Variants in CNGA3 observed in about 807,000 individuals in gnomAD.
CNGA3 encodes cyclic nucleotide gated channel subunit alpha 3, also known as cyclic nucleotide-gated channel alpha-3.
CNGA3 carries 42 observed loss-of-function variants against 46.6 expected under a neutral mutation model. The observed-to-expected ratio is 0.90, with a 90% confidence interval of 0.70 to 1.17. The LOEUF (loss-of-function observed/expected upper bound fraction) is 1.17, where lower values mean the gene tolerates loss of function less well. CNGA3 is among the 50% of genes most tolerant of loss of function. CNGA3 has a pLI of 0.00. For synonymous variants in CNGA3, 394 were observed against 369.4 expected (o/e 1.07, Z -0.76); for missense variants, 893 against 890.7 (o/e 1.00, Z -0.03).
chr2:98,386,167 C>T (rs1196540382), intron 5 of CNGA3, among the ~76,000 whole-genome samples: 2 of 152,100 alleles, frequency 1.3e-5, no homozygotes, highest in East Asian at 3.8e-4. Context: ...GTGTGGTAGG[C>T]AGAACAATCT....
chr2:98,385,947 C>T (rs1692644526), intron 5 of CNGA3, among the ~76,000 whole-genome samples: 1 of 152,164 alleles, frequency 6.6e-6, no homozygotes, highest in Non-Finnish European at 1.5e-5. Context: ...GGTGCCAAAC[C>T]ATGAGAAATC....
At chr2:98,350,335 A>T in intron 1 of CNGA3, among the ~76,000 whole-genome samples, 1 of 152,210 alleles carries the variant, frequency 6.6e-6, no homozygotes, top group African/African-American at 2.4e-5. Flanking sequence ...TCAAAGTTAG[A>T]TATGGACATC....
In CNGA3 at chr2:98,354,225, A is replaced by G. The variant is rs1055916470; in HGVS notation, c.-38+7691A>G. On this transcript the variant is annotated intron_variant, in intron 1 of 7. Coordinates refer to ENST00000272602, the MANE Select transcript of CNGA3 (RefSeq NM_001298.3). ...TTTTATTGTTGTATTGTTATTCTTT[A>G]TTGTTTTGGTTTTTTTCAAATATTT... Among the ~76,000 whole-genome samples the G allele has an allele frequency of 5.9e-5, 9 of 151,952 alleles. No individual in the cohort carries two copies. The South Asian group carries it at 1.7e-3, about 28-fold the overall frequency.
chr2:98,369,071 G>C (rs538542655), intron 1 of CNGA3, among the ~76,000 whole-genome samples: 1 of 152,308 alleles, frequency 6.6e-6, no homozygotes, highest in South Asian at 2.1e-4. Flanking sequence ...TTCTAACTTG[G>C]TGGCTGTTGG....
At chr2:98,390,979 G>A (rs1297122343) in intron 6 of CNGA3, among the ~76,000 whole-genome samples, 2 of 152,176 alleles carry the variant, frequency 1.3e-5, no homozygotes, top group African/African-American at 2.4e-5. Context: ...GGATGCAGAG[G>A]CAAGTCCTGC....
chr2:98,379,692 C>T (rs1031971255), intron 3 of CNGA3, among the ~76,000 whole-genome samples: 3 of 152,196 alleles, frequency 2.0e-5, no homozygotes, highest in Non-Finnish European at 4.4e-5. Context: ...GACGCCTGTT[C>T]CTTTAAGCCT....
At chr2:98,346,784 C>G (rs972779123) in intron 1 of CNGA3, among the ~76,000 whole-genome samples, 1 of 152,132 alleles carries the variant, frequency 6.6e-6, no homozygotes, top group Non-Finnish European at 1.5e-5. Context: ...CCCCTCCAGT[C>G]CAGTTCAAAG....
intron 1 of CNGA3, among the ~76,000 whole-genome samples, chr2:98,355,030 A>G (rs1691848044): frequency 6.6e-6 from 1 of 152,114 alleles, no homozygotes; most frequent in African/African-American, 2.4e-5. Flanking sequence ...AGCATGTTGG[A>G]TTTTTGCCAA....
chr2:98,383,400 G>A lies in CNGA3; in HGVS notation c.408G>A (p.Leu136=), dbSNP rs376332352. The change falls in exon 5 of 8, where the codon CTG becomes CTA. Residue 136 remains leucine (L), a synonymous_variant. Transcript: ENST00000272602. The part of the protein sequence containing the change: ...PADRGRSAWP[L]AKCNTNTSNN... ...TACCTTCCCGCAGCGCCTGGCCCCTGGCCAAATGCAACACTAACACCAGCA... is the reference window on the plus strand; with the variant it reads ...TACCTTCCCGCAGCGCCTGGCCCCTAGCCAAATGCAACACTAACACCAGCA... 281 of 1,614,008 alleles carry A rather than the reference G, an allele frequency of 1.7e-4. No individual in the cohort carries two copies. Among genetic ancestry groups the A allele is most frequent in the Non-Finnish European group, 2.3e-4 (268 of 1,180,028 alleles).
intron 3 of CNGA3, among the ~76,000 whole-genome samples, chr2:98,378,510 C>T (rs1910699): frequency 0.86 from 130,542 of 152,244 alleles, 56,151 homozygotes; most frequent in African/African-American, 0.91. Flanking sequence ...TACATAGTCA[C>T]ATGTTCTAAA....
At chr2:98,390,885 GTCTCT>G (rs1412786168) in intron 6 of CNGA3, among the ~76,000 whole-genome samples, 1 of 152,242 alleles carries the variant, frequency 6.6e-6, no homozygotes, top group Admixed American at 6.5e-5. Context: ...GCAAAGGCAG[GTCTCT>G]TCTGAGATGT....
rs1212832847 is a variant in CNGA3 at position 98,380,238 on chromosome 2, G to A, written c.279G>A (p.Gln93=). 6.2e-7 allele frequency: 1 copy of A among 1,614,116 alleles called. No individual in the cohort carries two copies. The highest frequency in any genetic ancestry group is 8.5e-7 in the Non-Finnish European group (1 of 1,180,048). ...CCAGGCATGTGCACCACCAGGACCAGGGACCGGACTCTTTTCCTGATCGTT... is the reference window on the plus strand; with the variant it reads ...CCAGGCATGTGCACCACCAGGACCAAGGACCGGACTCTTTTCCTGATCGTT... The part of the protein sequence containing the change: ...WAARHVHHQD[Q]GPDSFPDRFR... Residue 93 remains glutamine (Q), a synonymous_variant, in exon 4 of 8, where the codon CAG becomes CAA. Transcript: ENST00000272602.
Position 98,374,913 on chromosome 2 carries a change from A to G in CNGA3, c.102-2774A>G, listed in dbSNP as rs1402941907. ...GCCAGTTGTGCCTTTCTGGTAACTG[A>G]AATCCACATGAAATTGCCAACTTTT... On this transcript the variant is annotated intron_variant, in intron 2 of 7. Coordinates refer to ENST00000272602, the MANE Select transcript of CNGA3 (RefSeq NM_001298.3). Among the ~76,000 whole-genome samples the G allele has an allele frequency of 2.0e-5, 3 of 152,230 alleles. No homozygotes were observed. In the East Asian group the frequency reaches 5.8e-4, roughly 29 times the overall value.
chr2:98,373,016 G>A (rs1344248568), intron 2 of CNGA3, among the ~76,000 whole-genome samples: 2 of 152,136 alleles, frequency 1.3e-5, no homozygotes, highest in Non-Finnish European at 2.9e-5. Context: ...TTATGAAAGA[G>A]CTATGCTTTA....
At chr2:98,371,991 TG>T (rs1422435213) in intron 2 of CNGA3, among the ~76,000 whole-genome samples, 3 of 152,158 alleles carry the variant, frequency 2.0e-5, no homozygotes, top group Non-Finnish European at 4.4e-5. Context: ...GCACCCAACT[TG>T]CCTGGAGTGG....
chr2:98,389,578 A>C, intron 5 of CNGA3, 80 bp from the exon 6 acceptor site: 1 of 1,264,136 alleles, frequency 7.9e-7, no homozygotes, highest in Non-Finnish European at 1.2e-6. Flanking sequence ...TCAGCCTGAA[A>C]TTGCCCTAGG....
Position 98,396,901 on chromosome 2 carries a change from C to T in CNGA3, c.1731C>T (p.Phe577=). The change falls in exon 8 of 8, where the codon TTC becomes TTT. Residue 577 remains phenylalanine, a synonymous_variant. Coordinates refer to ENST00000272602, the MANE Select transcript of CNGA3 (RefSeq NM_001298.3). ...NIRSIGYSDL[F]CLSKDDLMEA... ...GCAGCATTGGCTACTCAGACCTGTT[C>T]TGCCTCTCAAAGGACGATCTCATGG... The T allele has an allele frequency of 6.2e-7, 1 of 1,614,182 alleles. No individual in the cohort carries two copies. The highest frequency in any genetic ancestry group is 8.5e-7 in the Non-Finnish European group (1 of 1,180,044).
Position 98,389,727 on chromosome 2 carries a change from C to G in CNGA3, c.519C>G (p.Thr173=). The change falls in exon 6 of 8, where the codon ACC becomes ACG. Residue 173 remains threonine (T), a synonymous_variant. Coordinates refer to ENST00000272602, the MANE Select transcript of CNGA3 (RefSeq NM_001298.3). The stretch of plus-strand genomic sequence containing the variant: ...GCAACCTGTACTACCGCTGGCTGAC[C>G]GCCATCGCCCTGCCTGTCTTCTATA... ...PSSNLYYRWL[T]AIALPVFYNW... 6.2e-7 allele frequency: 1 copy of G among 1,613,636 alleles called. No homozygotes were observed. Among genetic ancestry groups the G allele is most frequent in the Non-Finnish European group, 8.5e-7 (1 of 1,180,020 alleles).
chr2:98,351,723 A>T (rs1052295379), intron 1 of CNGA3, among the ~76,000 whole-genome samples: 1 of 152,100 alleles, frequency 6.6e-6, no homozygotes, highest in Non-Finnish European at 1.5e-5. Flanking sequence ...CAAAAATGTG[A>T]TGGTCATTAT....
Sources: gnomAD v4.1 joint callset for allele counts (sites outside exome capture counted in the v4.1 genomes callset) on GRCh38, gnomAD v4.1.1 for gene constraint, MANE v1.5 for transcripts, NCBI Gene and HGNC (gene_info 2026-07-23, HGNC 2026-07-21) for gene names.